Variants in APBA2 observed in about 807,000 individuals in gnomAD.
APBA2 encodes the protein amyloid-beta A4 precursor protein-binding family A member 2.
APBA2 carries 30 observed loss-of-function variants against 75.0 expected under a neutral mutation model. The observed-to-expected ratio is 0.40, with a 90% CI of 0.30 to 0.54. The LOEUF is 0.54. Ranked by LOEUF, APBA2 falls within the 20% of genes least tolerant of loss-of-function variation. The pLI, the probability that APBA2 is intolerant of heterozygous loss-of-function variation, is 0.49. For missense variants in APBA2, 801 were observed against 1,016.1 expected, an observed-to-expected ratio of 0.79 and a Z score of 2.88; for synonymous variants, 444 against 409.6, an observed-to-expected ratio of 1.08 and a Z score of -1.01.
intron 1 of APBA2, among the ~76,000 whole-genome samples, chr15:28,888,496 G>T (rs879708769): frequency 1.3e-5 from 2 of 152,158 alleles, no homozygotes; most frequent in Non-Finnish European, 2.9e-5. Context: ...GCTCCTCTCC[G>T]GCGCTCCTGG....
At chr15:28,962,846 G>T (rs1020034476) in intron 2 of APBA2, among the ~76,000 whole-genome samples, 1 of 152,216 alleles carries the variant, frequency 6.6e-6, no homozygotes, top group African/African-American at 2.4e-5. Flanking sequence ...TGCTAGTGAT[G>T]CTGGTCTTCT....
At chr15:29,029,264 A>G (rs909919173) in intron 3 of APBA2, among the ~76,000 whole-genome samples, 1 of 151,894 alleles carries the variant, frequency 6.6e-6, no homozygotes, top group African/African-American at 2.4e-5. Flanking sequence ...CAAACAGGGA[A>G]TCCTTTCCCC....
chr15:28,929,102 G>T (rs1335215846), intron 2 of APBA2, among the ~76,000 whole-genome samples: 1 of 152,106 alleles, frequency 6.6e-6, no homozygotes, highest in Non-Finnish European at 1.5e-5. Flanking sequence ...AGTTCTTTAC[G>T]TGTTGGAGCG....
intron 10 of APBA2, 74 bp downstream of exon 10, chr15:29,101,858 T>C (rs2044145093): frequency 6.8e-7 from 1 of 1,479,428 alleles, no homozygotes; most frequent in Non-Finnish European, 9.3e-7. Context: ...CCAGGCGCTG[T>C]GGAAACCACC....
chr15:28,895,263 G>T (rs565602982), intron 1 of APBA2, among the ~76,000 whole-genome samples: 90 of 152,312 alleles, frequency 5.9e-4, no homozygotes, highest in African/African-American at 1.9e-3. Context: ...CCTCCCTGCT[G>T]CTGGCCTCCG....
chr15:28,899,811 A>C (rs1324775320), intron 1 of APBA2, among the ~76,000 whole-genome samples: 6 of 152,084 alleles, frequency 3.9e-5, no homozygotes, highest in Non-Finnish European at 8.8e-5. Context: ...TCGGATAATA[A>C]AGTGAGGAAT....
At chr15:28,961,234 A>G (rs1033996088) in intron 2 of APBA2, 8 of 152,274 alleles carry the variant, frequency 5.3e-5, no homozygotes, top group African/African-American at 1.4e-4. Flanking sequence ...GAAGCCAGAC[A>G]TGAAAGACTA....
intron 4 of APBA2, among the ~76,000 whole-genome samples, chr15:29,062,517 CTT>C (rs369540333): frequency 5.3e-4 from 81 of 152,290 alleles, no homozygotes; most frequent in African/African-American, 1.9e-3. Flanking sequence ...CAGCTGCCTT[CTT>C]TGATTTGTAT....
intron 14 of APBA2, among the ~76,000 whole-genome samples, chr15:29,116,345 G>A (rs1242057943): frequency 1.3e-5 from 2 of 152,274 alleles, no homozygotes; most frequent in East Asian, 3.9e-4. Flanking sequence ...AAGGGGTGTA[G>A]GCCGGGCGCG....
intron 2 of APBA2, among the ~76,000 whole-genome samples, chr15:28,979,656 G>A (rs566249277): frequency 9.2e-5 from 14 of 152,132 alleles, no homozygotes; most frequent in African/African-American, 1.4e-4. Flanking sequence ...GAGTGCCCCC[G>A]GCCCCGTGTG....
chr15:29,065,886 T>G (rs2042359178), intron 4 of APBA2, among the ~76,000 whole-genome samples: 3 of 152,146 alleles, frequency 2.0e-5, no homozygotes, highest in Non-Finnish European at 4.4e-5. Context: ...GCCTGCCTGG[T>G]CTGCTGTGGG....
intron 3 of APBA2, among the ~76,000 whole-genome samples, chr15:29,035,945 G>GC (rs141147313): frequency 0.022 from 3,298 of 152,236 alleles, 93 homozygotes; most frequent in African/African-American, 0.069. Flanking sequence ...ACCCCGGAGC[G>GC]CCCCCCTACC....
intron 2 of APBA2, among the ~76,000 whole-genome samples, chr15:28,954,973 C>T (rs1334583366): frequency 2.0e-5 from 3 of 152,148 alleles, no homozygotes; most frequent in Non-Finnish European, 4.4e-5. Context: ...GGGTTGGTTT[C>T]CTATGCAGAG....
chr15:28,902,862 C>G (rs2032940296), intron 1 of APBA2, among the ~76,000 whole-genome samples: 1 of 152,134 alleles, frequency 6.6e-6, no homozygotes, highest in Non-Finnish European at 1.5e-5. Flanking sequence ...CTTTTCGGTT[C>G]CTCTTTACTG....
At position 29,117,550 on chromosome 15, in the gene APBA2, C is replaced by T. The variant is rs1011814027; in HGVS notation, c.*417C>T. 3.5e-5 allele frequency: 8 copies of T among 230,260 alleles called. No homozygotes were observed. Among genetic ancestry groups the T allele is most frequent in the African/African-American group, 6.9e-5 (3 of 43,700 alleles). The allele number at this position is 230,260 out of a possible 1,614,324, so 14.3% of individuals were successfully genotyped here. ...CTGCCTCCCGCCCCCTTGGCTGGGACGTCTGGGGTCCTGTGGGGCCCCCAC... is the reference window on the plus strand; with the variant it reads ...CTGCCTCCCGCCCCCTTGGCTGGGATGTCTGGGGTCCTGTGGGGCCCCCAC... On this transcript the variant is annotated 3_prime_UTR_variant, in exon 15 of 15. Coordinates refer to ENST00000683413, the MANE Select transcript of APBA2 (RefSeq NM_001353788.2).
rs2035473076 is a variant in APBA2 at position 28,945,164 on chromosome 15, A to T, written c.-95+23415A>T. On this transcript the variant is annotated intron_variant, in intron 2 of 14. Coordinates refer to ENST00000683413, the MANE Select transcript of APBA2 (RefSeq NM_001353788.2). The stretch of plus-strand genomic sequence containing the variant: ...GCGTCACTGTCAGGACTCTGTGAAA[A>T]ACAAGGTTTCTGTTTGGCGCGGGGA... Among the ~76,000 whole-genome samples the T allele has an allele frequency of 2.0e-5, 3 of 152,292 alleles. No homozygotes were observed. The South Asian group carries it at 6.2e-4, about 32-fold the overall frequency.
intron 3 of APBA2, among the ~76,000 whole-genome samples, chr15:29,050,641 G>A (rs1490602366): frequency 6.6e-6 from 1 of 152,124 alleles, no homozygotes; most frequent in African/African-American, 2.4e-5. Flanking sequence ...CATTTTAATA[G>A]GATCTGGACT....
At chr15:29,100,264 T>C (rs114393288) in intron 9 of APBA2, among the ~76,000 whole-genome samples, 2,978 of 152,322 alleles carry the variant, frequency 0.02, 61 homozygotes, top group African/African-American at 0.05. Flanking sequence ...TCCAACTGTT[T>C]CCTTTCAGTG....
chr15:28,994,253 A>C (rs2038388258), intron 2 of APBA2, among the ~76,000 whole-genome samples: 1 of 152,190 alleles, frequency 6.6e-6, no homozygotes, highest in Admixed American at 6.5e-5. Flanking sequence ...ACTGACAGAG[A>C]TGGTGTGAAG....
Sources: gnomAD v4.1 joint callset for allele counts (sites outside exome capture counted in the v4.1 genomes callset) on GRCh38, gnomAD v4.1.1 for gene constraint, MANE v1.5 for transcripts, NCBI Gene and HGNC (gene_info 2026-07-23, HGNC 2026-07-21) for gene names.